Variants in RALGDS observed in about 807,000 individuals in gnomAD.
RALGDS encodes the protein ral guanine nucleotide dissociation stimulator.
A neutral mutation model predicts 99.8 loss-of-function variants in RALGDS; 44 were observed. The observed-to-expected ratio is 0.44, with a 90% CI of 0.35 to 0.57. The LOEUF is 0.57. Among genes scored for constraint, RALGDS ranks in the 20% least tolerant of loss-of-function variants. RALGDS has a pLI of 0.01. For missense variants in RALGDS, 1,022 were observed against 1,203.1 expected (o/e 0.85, Z 2.23); for synonymous variants, 529 against 505.0 (o/e 1.05, Z -0.64).
In RALGDS at chr9:133,104,543, G is replaced by A. The variant is rs903180362; in HGVS notation, c.1603-212C>T. The A allele has an allele frequency of 2.9e-5, 17 of 583,280 alleles. No homozygotes were observed. The African/African-American group carries it at 3.2e-4, about 11-fold the overall frequency. 36.1% of individuals were successfully genotyped at this position (583,280 alleles called of 1,614,324 possible). ...AACTCCGCCTGCTGCATGGTGCGGT[G>A]GCTCACGCCTGTAATCCCAGCATTT... On this transcript the variant is annotated intron_variant, in intron 9 of 17. Transcript: ENST00000372050.
intron 1 of RALGDS, among the ~76,000 whole-genome samples, chr9:133,115,351 G>A (rs1248742766): frequency 6.6e-6 from 1 of 152,202 alleles, no homozygotes; most frequent in Non-Finnish European, 1.5e-5. Flanking sequence ...CCTGCACCTC[G>A]GCCTGCTCCG....
In RALGDS at chr9:133,100,394, C is replaced by T. The variant is rs749050822; in HGVS notation, c.2455-12G>A. ...TCTTGGCTGGTCACCTGCATCGCGG[C>T]GGGGGATGGACCATCAGGGAAAAGA... On this transcript the variant is annotated splice_polypyrimidine_tract_variant and intron_variant, in intron 16 of 17. Coordinates refer to ENST00000372050, the MANE Select transcript of RALGDS (RefSeq NM_006266.4). 60 of 1,613,694 alleles carry T rather than the reference C, an allele frequency of 3.7e-5. 1 individual carries two copies. Among genetic ancestry groups the T allele is most frequent in the South Asian group, 3.3e-4 (30 of 91,080 alleles).
intron 1 of RALGDS, among the ~76,000 whole-genome samples, chr9:133,118,293 C>A (rs551937326): frequency 3.3e-5 from 5 of 152,194 alleles, no homozygotes; most frequent in Admixed American, 1.3e-4. Context: ...GGGATTAAAC[C>A]GAAGACCTGC....
Position 133,120,977 on chromosome 9 carries a change from G to T in RALGDS, c.178C>A (p.Pro60Thr). ...GACCGCCCCAGCTCACCCACCTCCGGGCGCGGCAGGTCGGGGTCTAGCTGC... is the reference window on the plus strand; with the variant it reads ...GACCGCCCCAGCTCACCCACCTCCGTGCGCGGCAGGTCGGGGTCTAGCTGC... ...FTQLDPDLPR[P>T]ESSTQEIGEE... The change falls in exon 1 of 18, where the codon CCG (proline) becomes ACG (threonine). Residue 60 changes from proline to threonine, a missense_variant. By Grantham distance (38) the Pro-to-Thr change is conservative. This residue lies in a region of RALGDS where 180 missense variants were observed against 169.3 expected (regional missense o/e 1.06). Coordinates refer to ENST00000372050, the MANE Select transcript of RALGDS (RefSeq NM_006266.4). 1 of 1,484,126 alleles carries T rather than the reference G, an allele frequency of 6.7e-7. No individual in the cohort carries two copies. The highest frequency in any genetic ancestry group is 1.3e-5 in the South Asian group (1 of 79,112). 91.9% of individuals were successfully genotyped at this position (1,484,126 alleles called of 1,614,324 possible).
chr9:133,103,404 G>T (rs1830855376), intron 11 of RALGDS, 142 bp from the exon 12 acceptor site: 1 of 1,045,170 alleles, frequency 9.6e-7, no homozygotes, highest in East Asian at 2.5e-5. Context: ...TGGGCACCAG[G>T]GCAAGGGGAC....
chr9:133,117,165 G>A (rs572472373), intron 1 of RALGDS, among the ~76,000 whole-genome samples: 1 of 152,196 alleles, frequency 6.6e-6, no homozygotes, highest in Non-Finnish European at 1.5e-5. Flanking sequence ...ACCTCATTGT[G>A]GCAGCTGCTA....
At chr9:133,124,268 A>G (rs924577508), upstream of RALGDS, among the ~76,000 whole-genome samples, 1 of 152,068 alleles carries the variant, frequency 6.6e-6, no homozygotes, top group Non-Finnish European at 1.5e-5. Context: ...ACAGACGCAC[A>G]GAGACAGACA....
rs1831106272 is a variant in RALGDS, at chr9:133,107,160, G to A, written c.1338C>T (p.Thr446=). 1 of 1,613,656 alleles carries A rather than the reference G, an allele frequency of 6.2e-7. No individual in the cohort carries two copies. Among genetic ancestry groups the A allele is most frequent in the African/African-American group, 1.3e-5 (1 of 74,962 alleles). The change falls in exon 7 of 18, where the codon ACC becomes ACT. Residue 446 remains threonine, a synonymous_variant. Coordinates refer to ENST00000372050, the MANE Select transcript of RALGDS (RefSeq NM_006266.4). ...TCGTGCTTCGGTTCCCGAGGCAGGT[G>A]GTGATGACACAGTTGGCCACACTGT... ...QFNSVANCVI[T]TCLGNRSTKA...
chr9:133,111,279 A>T (rs766180371), intron 2 of RALGDS, among the ~76,000 whole-genome samples: 1 of 152,094 alleles, frequency 6.6e-6, no homozygotes, highest in African/African-American at 2.4e-5. Flanking sequence ...GACGCACAGC[A>T]TCTTCCCCGT....
chr9:133,102,659 C>T (rs1173819565), intron 13 of RALGDS, 88 bp from the exon 14 acceptor site: 1 of 1,605,860 alleles, frequency 6.2e-7, no homozygotes, highest in Non-Finnish European at 8.5e-7. Context: ...GTCGGGGTGC[C>T]CCGGCCATCC....
At chr9:133,103,703 T>C (rs373887265) in intron 11 of RALGDS, 44 bp downstream of exon 11, 32 of 1,586,948 alleles carry the variant, frequency 2.0e-5, no homozygotes, top group Non-Finnish European at 2.8e-5. Context: ...TCAGGGAAGG[T>C]CTCTCCTCCC....
At chr9:133,109,010 C>T (rs1438694417) in intron 4 of RALGDS, 144 bp from the exon 5 acceptor site, 1 of 801,276 alleles carries the variant, frequency 1.2e-6, no homozygotes, top group East Asian at 2.7e-5. Context: ...ACCAAGGAGG[C>T]CCCTGGTCAG....
At chr9:133,129,441 C>G (rs1832267601) in intron 1 of RALGDS, 1 of 1,395,946 alleles carries the variant, frequency 7.2e-7, no homozygotes, top group African/African-American at 1.5e-5. Context: ...ACCCGCGTGG[C>G]TGTCATACCT....
chr9:133,116,143 TCCG>T (rs1831597969), intron 1 of RALGDS, among the ~76,000 whole-genome samples: 1 of 135,450 alleles, frequency 7.4e-6, no homozygotes, highest in Non-Finnish European at 1.6e-5. Flanking sequence ...CGTGTCCGTG[TCCG>T]TGACCCTCCT....
At chr9:133,108,569 T>A in intron 5 of RALGDS, 104 bp downstream of exon 5, 1 of 1,474,022 alleles carries the variant, frequency 6.8e-7, no homozygotes, top group South Asian at 1.2e-5. Context: ...CTGAGGCTCA[T>A]CTGGGCCCCT....
In RALGDS at chr9:133,129,225, C is replaced by T. The variant is rs368557429; in HGVS notation, c.132+1727G>A. 131 of 1,597,202 alleles carry T rather than the reference C, an allele frequency of 8.2e-5. 1 individual carries two copies. Among genetic ancestry groups the T allele is most frequent in the Middle Eastern group, 1.7e-4 (1 of 6,054 alleles). Reference sequence around the variant, plus strand: ...CGACGGGCGACGGCCCTTCTCCTGGCGGTCACCACAGAGACACAGGCAAAG... The same window carrying T: ...CGACGGGCGACGGCCCTTCTCCTGGTGGTCACCACAGAGACACAGGCAAAG... On this transcript the variant is annotated intron_variant, in intron 1 of 17. Transcript: ENST00000372062.
intron 1 of RALGDS, among the ~76,000 whole-genome samples, chr9:133,116,929 GAGA>G (rs1831638178): frequency 6.6e-6 from 1 of 152,270 alleles, no homozygotes; most frequent in African/African-American, 2.4e-5. Context: ...GGAGGGGCCA[GAGA>G]CAGGAAGGAT....
intron 1 of RALGDS, among the ~76,000 whole-genome samples, chr9:133,138,529 G>A (rs1403127063): frequency 6.6e-6 from 1 of 152,240 alleles, no homozygotes; most frequent in African/African-American, 2.4e-5. Flanking sequence ...CAGTGGCTGA[G>A]CAGTTCCCAG....
intron 14 of RALGDS, 110 bp from the exon 15 acceptor site, chr9:133,102,249 G>A: frequency 8.0e-7 from 1 of 1,254,886 alleles, no homozygotes; most frequent in African/African-American, 1.5e-5. Context: ...ACAGTTGCCA[G>A]TACTCCATTC....
Sources: allele counts gnomAD v4.1 joint callset (sites outside exome capture counted in the v4.1 genomes callset), GRCh38; gene constraint gnomAD v4.1.1; regional missense constraint gnomAD v4.1.1; transcripts MANE v1.5; gene names NCBI Gene and HGNC (gene_info 2026-07-23, HGNC 2026-07-21).